The following EPHA6 variants were observed in gnomAD, a reference collection of about 807,000 sequenced individuals.
EPHA6 encodes the protein ephrin type-A receptor 6.
A neutral mutation model predicts 112.0 loss-of-function variants in EPHA6; 50 were observed. That is an observed-to-expected ratio of 0.45 (90% CI 0.36 to 0.56). The LOEUF is 0.56. Ranked by LOEUF, EPHA6 falls within the 20% of genes least tolerant of loss-of-function variation. The pLI, the probability that EPHA6 is intolerant of heterozygous loss-of-function variation, is 0.00. For synonymous variants in EPHA6, 529 were observed against 490.7 expected (o/e 1.08, Z -1.03); for missense variants, 1,280 against 1,417.4 (o/e 0.90, Z 1.56).
At chr3:96,820,575 T>A (rs1411022196) in intron 1 of EPHA6, among the ~76,000 whole-genome samples, 2 of 152,088 alleles carry the variant, frequency 1.3e-5, no homozygotes, top group East Asian at 3.9e-4. Context: ...TGAAATTACC[T>A]TACTAAATAT....
At chr3:97,047,410 T>G (rs372548313) in intron 3 of EPHA6, among the ~76,000 whole-genome samples, 1 of 141,252 alleles carries the variant, frequency 7.1e-6, no homozygotes, top group South Asian at 2.2e-4. Flanking sequence ...TGAGGCAGGA[T>G]AATGGCATGA....
At chr3:97,441,432 T>A (rs2090134252) in intron 6 of EPHA6, 1 of 979,546 alleles carries the variant, frequency 1.0e-6, no homozygotes, top group Admixed American at 6.2e-5. Context: ...AAAACTACAA[T>A]GGAAGAAGAA....
intron 3 of EPHA6, among the ~76,000 whole-genome samples, chr3:96,997,716 T>C (rs2043475458): frequency 6.6e-6 from 1 of 152,130 alleles, no homozygotes; most frequent in South Asian, 2.1e-4. Context: ...TGGTGACCTA[T>C]GATATAGGAT....
chr3:96,903,942 A>C (rs886413410), intron 2 of EPHA6, among the ~76,000 whole-genome samples: 16 of 152,154 alleles, frequency 1.1e-4, no homozygotes, highest in African/African-American at 3.9e-4. Context: ...GCAATCATTA[A>C]AAAGTCAGGA....
At chr3:97,042,319 C>T (rs962443405) in intron 3 of EPHA6, among the ~76,000 whole-genome samples, 1 of 152,048 alleles carries the variant, frequency 6.6e-6, no homozygotes, top group Admixed American at 6.6e-5. Flanking sequence ...TGCCTGCTTC[C>T]CCTGCACCTT....
At chr3:97,714,545 A>G (rs1270265789) in intron 14 of EPHA6, among the ~76,000 whole-genome samples, 1 of 152,232 alleles carries the variant, frequency 6.6e-6, no homozygotes, top group Admixed American at 6.5e-5. Flanking sequence ...CATGCACAAT[A>G]TAATATCGTT....
intron 2 of EPHA6, among the ~76,000 whole-genome samples, chr3:96,921,437 T>G (rs2039758678): frequency 6.6e-6 from 1 of 152,168 alleles, no homozygotes; most frequent in Non-Finnish European, 1.5e-5. Flanking sequence ...TCCTAAAGTG[T>G]GTTGTTAAAA....
Position 97,259,474 on chromosome 3 carries a change from A to G in EPHA6, c.1606+15187A>G, listed in dbSNP as rs896650501. On this transcript the variant is annotated intron_variant, in intron 5 of 17. Coordinates refer to ENST00000389672, the MANE Select transcript of EPHA6 (RefSeq NM_001080448.3). ...TTTCATCACTTAATTCTATGATGCA[A>G]TACTTTCCAAATAGAATTTTGCCTT... Among the ~76,000 whole-genome samples, 15 of 152,308 alleles carry G rather than the reference A, an allele frequency of 9.8e-5. No individual in the cohort carries two copies. The South Asian group carries it at 3.1e-3, about 32-fold the overall frequency.
At chr3:97,612,947 C>T (rs576272107) in intron 13 of EPHA6, among the ~76,000 whole-genome samples, 202 of 152,106 alleles carry the variant, frequency 1.3e-3, no homozygotes, top group African/African-American at 4.1e-3. Flanking sequence ...TGCTCTCATG[C>T]GTTATGAATT....
intron 2 of EPHA6, among the ~76,000 whole-genome samples, chr3:96,890,539 T>C (rs924385025): frequency 6.6e-6 from 1 of 152,228 alleles, no homozygotes; most frequent in Non-Finnish European, 1.5e-5. Flanking sequence ...GTGGAACATA[T>C]AAGGTTGTCA....
At chr3:96,900,912 C>A (rs1298778494) in intron 2 of EPHA6, among the ~76,000 whole-genome samples, 1 of 152,190 alleles carries the variant, frequency 6.6e-6, no homozygotes, top group Non-Finnish European at 1.5e-5. Flanking sequence ...AACATGGGAA[C>A]AACTGGAATA....
At chr3:97,114,467 G>T (rs1282924443) in intron 3 of EPHA6, among the ~76,000 whole-genome samples, 1 of 151,796 alleles carries the variant, frequency 6.6e-6, no homozygotes, top group African/African-American at 2.4e-5. Flanking sequence ...AAATCTTACC[G>T]CACTCAAGAA....
At chr3:97,457,523 A>G (rs764298030) in intron 7 of EPHA6, among the ~76,000 whole-genome samples, 17 of 152,328 alleles carry the variant, frequency 1.1e-4, no homozygotes, top group South Asian at 2.1e-4. Context: ...CATATAAAAT[A>G]TATGAATATT....
chr3:97,645,416 C>T (rs1381677275), intron 14 of EPHA6, among the ~76,000 whole-genome samples: 178 of 143,376 alleles, frequency 1.2e-3, no homozygotes, highest in Non-Finnish European at 8.6e-4. Flanking sequence ...ATCACAAGAA[C>T]AAAAAACCAA....
At chr3:97,207,111 C>T (rs1328168141) in intron 3 of EPHA6, among the ~76,000 whole-genome samples, 1 of 151,980 alleles carries the variant, frequency 6.6e-6, no homozygotes, top group African/African-American at 2.4e-5. Context: ...TATGGTATTT[C>T]TTTGATAATG....
At chr3:97,363,716 C>T (rs544503587) in intron 5 of EPHA6, among the ~76,000 whole-genome samples, 1 of 151,826 alleles carries the variant, frequency 6.6e-6, no homozygotes, top group Admixed American at 6.6e-5. Flanking sequence ...GTGTTTGTAA[C>T]ACCAATATTA....
chr3:97,441,519 T>C, intron 6 of EPHA6: 1 of 745,780 alleles, frequency 1.3e-6, no homozygotes, highest in Non-Finnish European at 1.6e-6. Context: ...TTAGAATCTG[T>C]TTGATTAAAG....
chr3:97,553,962 T>C (rs4857272), intron 11 of EPHA6, among the ~76,000 whole-genome samples: 20,823 of 152,172 alleles, frequency 0.14, 1,677 homozygotes, highest in Admixed American at 0.25. Flanking sequence ...ATAACAATAA[T>C]ATAAACTATC....
chr3:97,415,129 T>C (rs2088024514), intron 6 of EPHA6, among the ~76,000 whole-genome samples: 1 of 151,944 alleles, frequency 6.6e-6, no homozygotes, highest in Admixed American at 6.6e-5. Flanking sequence ...AAGCAAACAG[T>C]GTATGATGAC....
Sources: allele counts gnomAD v4.1 joint callset (sites outside exome capture counted in the v4.1 genomes callset), GRCh38; gene constraint gnomAD v4.1.1; transcripts MANE v1.5; gene names NCBI Gene and HGNC (gene_info 2026-07-23, HGNC 2026-07-21).